Variants in COLQ observed in about 807,000 individuals in gnomAD.
COLQ encodes the protein collagen like tail subunit of asymmetric acetylcholinesterase.
In COLQ, 48 loss-of-function variants were observed where a neutral mutation model predicts 69.0. The ratio of observed to expected loss-of-function variants is 0.70; its 90% CI spans 0.55 to 0.88. The LOEUF (loss-of-function observed/expected upper bound fraction) is 0.88. Among genes scored for constraint, COLQ ranks in the 40% least tolerant of loss-of-function variants. The pLI, the probability that COLQ is intolerant of heterozygous loss-of-function variation, is 0.00. For missense variants in COLQ, 618 were observed against 594.6 expected, an observed-to-expected ratio of 1.04 and a Z score of -0.41; for synonymous variants, 217 against 211.2, an observed-to-expected ratio of 1.03 and a Z score of -0.24.
intron 12 of COLQ, among the ~76,000 whole-genome samples, chr3:15,464,210 GAGAC>G (rs2062163816): frequency 6.6e-6 from 1 of 152,192 alleles, no homozygotes; most frequent in African/African-American, 2.4e-5. Context: ...TCCTGAGAAA[GAGAC>G]AGGTCTCAGA....
intron 16 of COLQ, among the ~76,000 whole-genome samples, chr3:15,451,965 C>A (rs1283899829): frequency 6.6e-6 from 1 of 152,126 alleles, no homozygotes; most frequent in Non-Finnish European, 1.5e-5. Flanking sequence ...ATCCCCCTTG[C>A]TACGATGCAG....
chr3:15,454,847 G>T (rs1357069883), intron 15 of COLQ, among the ~76,000 whole-genome samples: 1 of 150,814 alleles, frequency 6.6e-6, no homozygotes, highest in African/African-American at 2.4e-5. Flanking sequence ...ATTTTTTTTT[G>T]TAGAGATTGG....
intron 11 of COLQ, 25 bp from the exon 12 acceptor site, chr3:15,466,462 G>T: frequency 6.3e-7 from 1 of 1,592,266 alleles, no homozygotes; most frequent in Non-Finnish European, 8.6e-7. Flanking sequence ...GGCAGAGCCT[G>T]TTATGAAAGC....
intron 5 of COLQ, among the ~76,000 whole-genome samples, chr3:15,477,967 A>T (rs974388644): frequency 6.6e-6 from 1 of 152,230 alleles, no homozygotes; most frequent in Non-Finnish European, 1.5e-5. Context: ...GAGTGGGTGC[A>T]GGTGCTAAGG....
At chr3:15,499,139 G>GT in intron 1 of COLQ, among the ~76,000 whole-genome samples, 1 of 151,478 alleles carries the variant, frequency 6.6e-6, no homozygotes, top group South Asian at 2.1e-4. Context: ...AAAGCTAAAC[G>GT]TAACTAAAAC....
chr3:15,486,868 T>C (rs2062583593), intron 3 of COLQ, among the ~76,000 whole-genome samples: 1 of 152,234 alleles, frequency 6.6e-6, no homozygotes, highest in Non-Finnish European at 1.5e-5. Flanking sequence ...TTTAGAAGGC[T>C]ACATTGTCAA....
At chr3:15,460,297 C>G (rs1382604959) in intron 12 of COLQ, among the ~76,000 whole-genome samples, 1 of 152,128 alleles carries the variant, frequency 6.6e-6, no homozygotes, top group East Asian at 1.9e-4. Flanking sequence ...GAGAAAAAGT[C>G]TTCAGAAGAG....
chr3:15,485,586 C>T (rs373366300), intron 3 of COLQ, among the ~76,000 whole-genome samples: 4 of 152,312 alleles, frequency 2.6e-5, no homozygotes, highest in African/African-American at 9.6e-5. Context: ...CTGTGGTTCC[C>T]AAGTCTATCA....
At chr3:15,460,435 T>C (rs2062095196) in intron 12 of COLQ, among the ~76,000 whole-genome samples, 1 of 151,680 alleles carries the variant, frequency 6.6e-6, no homozygotes, top group East Asian at 1.9e-4. Flanking sequence ...TCTGGGAAAA[T>C]AGCGAGGGGT....
chr3:15,452,376 G>A (rs2061957954), intron 16 of COLQ, among the ~76,000 whole-genome samples: 1 of 152,138 alleles, frequency 6.6e-6, no homozygotes, highest in Admixed American at 6.5e-5. Context: ...CTGAGTAACT[G>A]CATTTTAAGT....
At chr3:15,498,767 G>A in intron 1 of COLQ, 1 of 1,516,116 alleles carries the variant, frequency 6.6e-7, no homozygotes. Flanking sequence ...CCAGTCCTGA[G>A]CTCCTGGGAG....
At chr3:15,514,573 T>C (rs1012372169) in intron 1 of COLQ, among the ~76,000 whole-genome samples, 1 of 152,202 alleles carries the variant, frequency 6.6e-6, no homozygotes, top group African/African-American at 2.4e-5. Flanking sequence ...CCTGGGTGCA[T>C]ATTCTTTTGT....
chr3:15,507,181 T>G (rs962669021), intron 1 of COLQ, among the ~76,000 whole-genome samples: 1 of 152,216 alleles, frequency 6.6e-6, no homozygotes, highest in African/African-American at 2.4e-5. Context: ...TGATGTGCAT[T>G]TGGATGATTT....
chr3:15,492,761 T>C (rs931029605), intron 1 of COLQ, among the ~76,000 whole-genome samples: 3 of 152,178 alleles, frequency 2.0e-5, no homozygotes, highest in Non-Finnish European at 4.4e-5. Context: ...TTCAAAGTCA[T>C]GGAGGATGTG....
chr3:15,463,610 T>A (rs2062155259), intron 12 of COLQ, among the ~76,000 whole-genome samples: 2 of 152,134 alleles, frequency 1.3e-5, no homozygotes, highest in Admixed American at 6.5e-5. Context: ...CCTTCCAAAG[T>A]GCTGGGATTA....
intron 3 of COLQ, among the ~76,000 whole-genome samples, chr3:15,484,039 TG>T (rs2062534645): frequency 8.3e-6 from 1 of 120,362 alleles, no homozygotes; most frequent in South Asian, 2.6e-4. Context: ...TTGCAAGCCG[TG>T]CTTTTTTTTT....
chr3:15,511,493 C>T (rs2062983705), intron 1 of COLQ, among the ~76,000 whole-genome samples: 1 of 152,146 alleles, frequency 6.6e-6, no homozygotes, highest in Non-Finnish European at 1.5e-5. Flanking sequence ...AAAGTCACCT[C>T]GGCCCTTCAA....
intron 13 of COLQ, among the ~76,000 whole-genome samples, chr3:15,456,804 C>A (rs146810511): frequency 1.3e-5 from 2 of 148,320 alleles, no homozygotes; most frequent in South Asian, 2.2e-4. Context: ...AATATTCACT[C>A]GGATTTAACT....
chr3:15,499,651 T>C (rs765453478), intron 1 of COLQ, among the ~76,000 whole-genome samples: 2 of 152,248 alleles, frequency 1.3e-5, no homozygotes, highest in Non-Finnish European at 2.9e-5. Flanking sequence ...TGTTCATTCA[T>C]TCATTTACTG....
Sources: gnomAD v4.1 joint callset for allele counts (sites outside exome capture counted in the v4.1 genomes callset) on GRCh38, gnomAD v4.1.1 for gene constraint, MANE v1.5 for transcripts, NCBI Gene and HGNC (gene_info 2026-07-23, HGNC 2026-07-21) for gene names.